The following KDR variants were observed in gnomAD, a reference collection of about 807,000 sequenced individuals.
The protein encoded by KDR is vascular endothelial growth factor receptor 2.
KDR carries 43 observed loss-of-function variants against 160.9 expected under a neutral mutation model. That is an observed-to-expected ratio of 0.27 (90% CI 0.21 to 0.34). The LOEUF is 0.34. Ranked by LOEUF, KDR falls within the 10% of genes least tolerant of loss-of-function variation. The probability of loss-of-function intolerance (pLI) is 1.00; values close to 1 mark genes in which losing one functional copy is unlikely to be tolerated. For synonymous variants in KDR, 617 were observed against 600.1 expected, an observed-to-expected ratio of 1.03 and a Z score of -0.41; for missense variants, 1,469 against 1,666.4, an observed-to-expected ratio of 0.88 and a Z score of 2.06.
Position 55,097,563 on chromosome 4 carries a change from T to C in KDR, c.2614+99A>G, listed in dbSNP as rs371826157. On this transcript the variant is annotated intron_variant, in intron 18 of 29. Coordinates refer to ENST00000263923, the MANE Select transcript of KDR (RefSeq NM_002253.4). ...TTAGGCTGACTGCATGTGTGGCTAG[T>C]AGGCCCACATAAGCACAAAGCTACT... The C allele has an allele frequency of 7.9e-5, 62 of 788,946 alleles. 1 individual carries two copies. The African/African-American group carries it at 8.4e-4, about 11-fold the overall frequency. 48.9% of individuals were successfully genotyped at this position (788,946 alleles called of 1,614,324 possible). A position where few individuals can be genotyped will look rare whatever the true frequency, so the allele number is the denominator to read the frequency against.
Position 55,114,914 on chromosome 4 carries a change from A to G in KDR, c.618T>C (p.Asp206=), listed in dbSNP as rs1309220304. Residue 206 remains aspartate, a synonymous_variant, in exon 5 of 30, where the codon GAT becomes GAC. Transcript: ENST00000263923. ...TGTACATAATAGACTGGTAACTTTC[A>G]TCATTAATTTTTGCTTCACAGAAGA... ...GMVFCEAKIN[D]ESYQSIMYIV... 1.2e-6 allele frequency: 2 copies of G among 1,613,800 alleles called. No individual in the cohort carries two copies. The highest frequency in any genetic ancestry group is 1.7e-6 in the Non-Finnish European group (2 of 1,179,862).
chr4:55,082,690 G>T, intron 27 of KDR, 55 bp from the exon 28 acceptor site: 1 of 1,314,944 alleles, frequency 7.6e-7, no homozygotes, highest in Non-Finnish European at 1.1e-6. Context: ...CTGCAGATCG[G>T]CTACCTAAGT....
At position 55,080,138 on chromosome 4, in the gene KDR, C is replaced by T. The variant is rs1719694698; in HGVS notation, c.3874G>A (p.Glu1292Lys). The change falls in exon 30 of 30, where the codon GAG becomes AAG. Residue 1292 changes from glutamate to lysine, a missense_variant. Transcript: ENST00000263923. ...TTTGAGCCTTCAGATGCCACAGACTCCCTGCTTTTGCTGGGCACCATTCCA... is the reference window on the plus strand; with the variant it reads ...TTTGAGCCTTCAGATGCCACAGACTTCCTGCTTTTGCTGGGCACCATTCCA... ...FGGMVPSKSR[E>K]SVASEGSNQT... 1 of 1,613,334 alleles carries T rather than the reference C, an allele frequency of 6.2e-7. No individual in the cohort carries two copies. Among genetic ancestry groups the T allele is most frequent in the Non-Finnish European group, 8.5e-7 (1 of 1,180,022 alleles).
intron 2 of KDR, among the ~76,000 whole-genome samples, chr4:55,120,089 A>G (rs934920469): frequency 5.3e-5 from 8 of 152,234 alleles, no homozygotes; most frequent in African/African-American, 1.9e-4. Context: ...AAACAAGTAA[A>G]GCTAGAGAAA....
At position 55,082,123 on chromosome 4, in the gene KDR, A is replaced by G; in HGVS notation, c.3763-82T>C. The G allele has an allele frequency of 3.1e-6, 3 of 981,738 alleles. No individual in the cohort carries two copies. In the South Asian group the frequency reaches 3.9e-5, roughly 13 times the overall value. The allele number at this position is 981,738 out of a possible 1,614,324, so 60.8% of individuals were successfully genotyped here. A position where few individuals can be genotyped will look rare whatever the true frequency, so the allele number is the denominator to read the frequency against. On this transcript the variant is annotated intron_variant, in intron 28 of 29. Transcript: ENST00000263923. ...TTTAATTAAGCTGATTTCTCAACCC[A>G]TCTATCATGTCTATCAAATAAGGTC...
At chr4:55,122,170 C>T (rs1413732460) in intron 1 of KDR, among the ~76,000 whole-genome samples, 1 of 151,988 alleles carries the variant, frequency 6.6e-6, no homozygotes, top group Non-Finnish European at 1.5e-5. Context: ...GGATAAGAAC[C>T]AGAAAAGTAC....
chr4:55,108,440 T>C (rs1720495741), intron 9 of KDR, among the ~76,000 whole-genome samples: 1 of 152,128 alleles, frequency 6.6e-6, no homozygotes, highest in African/African-American at 2.4e-5. Flanking sequence ...TTTGAAGTGC[T>C]TTGCATGAAT....
rs139806698 is a variant in KDR, at chr4:55,089,731, G to C, written c.3264C>G (p.Val1088=). 1.9e-6 allele frequency: 3 copies of C among 1,614,030 alleles called. No individual in the cohort carries two copies. The highest frequency in any genetic ancestry group is 1.7e-4 in the Middle Eastern group (1 of 6,054). ...FDRVYTIQSD[V]WSFGVLLWEI... ...CCCACAGCAAAACACCAAAAGACCA[G>C]ACGTCACTCTGGATTGTGTACACTC... The change falls in exon 24 of 30, where the codon GTC becomes GTG. Residue 1088 remains valine, a synonymous_variant. Coordinates refer to ENST00000263923, the MANE Select transcript of KDR (RefSeq NM_002253.4).
chr4:55,082,659 T>C (rs1275672478), intron 27 of KDR, 24 bp from the exon 28 acceptor site: 10 of 1,579,364 alleles, frequency 6.3e-6, no homozygotes, highest in Non-Finnish European at 8.7e-6. Flanking sequence ...AATATTTATA[T>C]TTTAGTGGTG....
chr4:55,115,792 T>G (rs1720719680), intron 3 of KDR, among the ~76,000 whole-genome samples: 1 of 152,242 alleles, frequency 6.6e-6, no homozygotes, highest in South Asian at 2.1e-4. Context: ...ACTTTAAAAT[T>G]TAAAGTTAAA....
rs1719639411 is a variant in KDR at position 55,078,552 on chromosome 4, A to C, written c.*1389T>G. 9 of 232,576 alleles carry C rather than the reference A, an allele frequency of 3.9e-5. No individual in the cohort carries two copies. The highest frequency in any genetic ancestry group is 2.8e-4 in the Admixed American group (5 of 17,774). The allele number at this position is 232,576 out of a possible 1,614,324, so 14.4% of individuals were successfully genotyped here. On this transcript the variant is annotated 3_prime_UTR_variant, in exon 30 of 30. Coordinates refer to ENST00000263923, the MANE Select transcript of KDR (RefSeq NM_002253.4). ...AGCATTATGACCTTTGTTATGCTACATAATACTGATACAAAATGTGAATAG... is the reference window on the plus strand; with the variant it reads ...AGCATTATGACCTTTGTTATGCTACCTAATACTGATACAAAATGTGAATAG...
intron 3 of KDR, among the ~76,000 whole-genome samples, chr4:55,118,283 G>T (rs1028829805): frequency 1.3e-5 from 2 of 152,046 alleles, no homozygotes; most frequent in African/African-American, 4.8e-5. Context: ...AATCTTCCTC[G>T]ATTTCAAGAA....
At position 55,106,805 on chromosome 4, in the gene KDR, G is replaced by T. The variant is rs771833921; in HGVS notation, c.1418C>A (p.Ala473Asp). The part of the protein sequence containing the change: ...EEECANEPSQ[A>D]VSVTNPYPCE... The stretch of plus-strand genomic sequence containing the variant: ...AGGGTATGGGTTTGTCACTGAGACA[G>T]CTTGGCTATAAGAAAGAGATAACAG... Residue 473 changes from alanine (A) to aspartate (D), a missense_variant, in exon 11 of 30, where the codon GCT becomes GAT. Ala to Asp is a moderately radical substitution (Grantham distance 126). Coordinates refer to ENST00000263923, the MANE Select transcript of KDR (RefSeq NM_002253.4). 12 of 1,607,502 alleles carry T rather than the reference G, an allele frequency of 7.5e-6. No individual in the cohort carries two copies. In the South Asian group the frequency reaches 1.2e-4, roughly 16 times the overall value.
At chr4:55,106,572 T>C (rs1241191347) in intron 11 of KDR, 115 bp downstream of exon 11, 1 of 822,098 alleles carries the variant, frequency 1.2e-6, no homozygotes, top group Non-Finnish European at 2.1e-6. Context: ...CTTAATACGC[T>C]CTATTTAATC....
rs543597871 is a variant in KDR at position 55,105,280 on chromosome 4, C to T, written c.1646-296G>A. On this transcript the variant is annotated intron_variant, in intron 12 of 29. Coordinates refer to ENST00000263923, the MANE Select transcript of KDR (RefSeq NM_002253.4). ...TCCAAAGCAAAATCTCTAATTCTAACAGAATTTTAAAATTAGGTCTTCATT... is the reference window on the plus strand; with the variant it reads ...TCCAAAGCAAAATCTCTAATTCTAATAGAATTTTAAAATTAGGTCTTCATT... 2.0e-5 allele frequency among the ~76,000 whole-genome samples: 3 copies of T among 152,306 alleles called. No individual in the cohort carries two copies. In the East Asian group the frequency reaches 5.8e-4, roughly 29 times the overall value.
chr4:55,115,281 T>C lies in KDR; in HGVS notation c.489A>G (p.Ala163=), dbSNP rs1720705065. The change falls in exon 4 of 30, where the codon GCA becomes GCG. Residue 163 remains alanine, a splice_region_variant and synonymous_variant. Transcript: ENST00000263923. The part of the protein sequence containing the change: ...SISNLNVSLC[A]RYPEKRFVPD... ...GACGATTGGAGGAGATGCAACTTAC[T>C]GCACAAAGTGACACGTTGAGATTTG... 3.7e-6 allele frequency: 6 copies of C among 1,610,660 alleles called. No homozygotes were observed. Among genetic ancestry groups the C allele is most frequent in the Non-Finnish European group, 3.4e-6 (4 of 1,177,054 alleles).
chr4:55,108,715 A>C (rs1720502411), intron 9 of KDR, among the ~76,000 whole-genome samples: 18 of 140,118 alleles, frequency 1.3e-4, no homozygotes, highest in Admixed American at 2.9e-4. Flanking sequence ...CTCCCTCTCC[A>C]CTCCCTTTCC....
At position 55,115,872 on chromosome 4, in the gene KDR, T is replaced by A. The variant is rs1009362904; in HGVS notation, c.359-461A>T. The stretch of plus-strand genomic sequence containing the variant: ...ATGTGCTCTCTCTTTAGGTAAATAA[T>A]GTAAATTCCATGAAAATAAATGAAT... On this transcript the variant is annotated intron_variant, in intron 3 of 29. Transcript: ENST00000263923. Among the ~76,000 whole-genome samples the A allele has an allele frequency of 3.3e-5, 5 of 152,200 alleles. No individual in the cohort carries two copies. The South Asian group carries it at 1.0e-3, about 32-fold the overall frequency.
In KDR at chr4:55,110,540, G is replaced by A. The variant is rs2110027574; in HGVS notation, c.1118C>T (p.Ser373Phe). The A allele has an allele frequency of 6.2e-7, 1 of 1,613,828 alleles. No homozygotes were observed. The highest frequency in any genetic ancestry group is 8.5e-7 in the Non-Finnish European group (1 of 1,179,896). The change falls in exon 9 of 30, where the codon TCC becomes TTC. Residue 373 changes from serine to phenylalanine, a missense_variant. Around this residue, in one of 7 missense-constraint regions of KDR, gnomAD observed 792 missense variants for 840.9 expected, o/e 0.94. Transcript: ENST00000263923. ...ATGCCCCGCTTTAATTGTGTGATTG[G>A]ACTCAAGGGGTATTCCATTTTTATA... ...KWYKNGIPLESNHTIKAGHVL... is the reference protein window; with the variant it reads ...KWYKNGIPLEFNHTIKAGHVL...
Sources: gnomAD v4.1 joint callset for allele counts (sites outside exome capture counted in the v4.1 genomes callset) on GRCh38, gnomAD v4.1.1 for gene constraint, gnomAD v4.1.1 regional missense constraint, MANE v1.5 for transcripts, NCBI Gene and HGNC (gene_info 2026-07-23, HGNC 2026-07-21) for gene names.